CASP10: variants seen among roughly 807,000 people sequenced by gnomAD.
CASP10 encodes the protein caspase 10.
In CASP10, 41 loss-of-function variants were observed where a neutral mutation model predicts 48.5. The observed-to-expected ratio is 0.85, with a 90% CI of 0.66 to 1.10. The LOEUF (loss-of-function observed/expected upper bound fraction) is 1.10, where lower values mean the gene tolerates loss of function less well. Among genes scored for constraint, CASP10 ranks in the 50% least tolerant of loss-of-function variants. The pLI is 0.00. For missense variants in CASP10, 614 were observed against 614.5 expected (o/e 1.00, Z 0.01); for synonymous variants, 232 against 238.4 (o/e 0.97, Z 0.25).
chr2:201,187,134 C>T (rs1251147406), intron 2 of CASP10, among the ~76,000 whole-genome samples: 1 of 152,132 alleles, frequency 6.6e-6, no homozygotes, highest in African/African-American at 2.4e-5. Context: ...CCTGAGTTGC[C>T]CTTGAGTCAG....
intron 3 of CASP10, 116 bp downstream of exon 3, chr2:201,187,915 T>C: frequency 1.3e-6 from 1 of 781,570 alleles, no homozygotes; most frequent in Admixed American, 2.0e-5. Flanking sequence ...TATCATACAA[T>C]GGTTACGAAC....
intron 6 of CASP10, among the ~76,000 whole-genome samples, chr2:201,205,648 CTTAA>C (rs1334786978): frequency 6.6e-6 from 1 of 152,134 alleles, no homozygotes; most frequent in Non-Finnish European, 1.5e-5. Flanking sequence ...TCCATGGGAT[CTTAA>C]TTAATTCCCC....
At chr2:201,228,459 G>A (rs1207249385) in intron 9 of CASP10, among the ~76,000 whole-genome samples, 1 of 152,206 alleles carries the variant, frequency 6.6e-6, no homozygotes, top group African/African-American at 2.4e-5. Flanking sequence ...TGGCCACACT[G>A]CAAGGGCACA....
At chr2:201,184,975 G>A (rs1302277893) in intron 1 of CASP10, among the ~76,000 whole-genome samples, 1 of 151,944 alleles carries the variant, frequency 6.6e-6, no homozygotes, top group African/African-American at 2.4e-5. Context: ...TTCCTCCTGA[G>A]GTCTAGGATA....
chr2:201,206,336 G>A (rs1359399161), intron 7 of CASP10: 2 of 191,288 alleles, frequency 1.0e-5, no homozygotes, highest in African/African-American at 4.8e-5. Context: ...GATGATTTTA[G>A]CTGCCCAGAG....
Position 201,186,004 on chromosome 2 carries a change from C to T in CASP10, c.227C>T (p.Pro76Leu), listed in dbSNP as rs1413535292. Residue 76 changes from proline (P) to leucine (L), a missense_variant, in exon 2 of 10, where the codon CCT becomes CTT. Physicochemically the swap from Pro to Leu is moderately conservative, Grantham distance 98. Coordinates refer to ENST00000286186, the MANE Select transcript of CASP10 (RefSeq NM_032977.4). ...GAGGATCTGCTGAGTGAGGAAGACC[C>T]TTTCTTCCTGGCAGAACTCCTCTAT... is the stretch of plus-strand genomic sequence containing the variant. ...LAEDLLSEEDPFFLAELLYII... is the reference protein window; with the variant it reads ...LAEDLLSEEDLFFLAELLYII... 1 of 1,613,000 alleles carries T rather than the reference C, an allele frequency of 6.2e-7. No individual in the cohort carries two copies. Among genetic ancestry groups the T allele is most frequent in the Admixed American group, 1.7e-5 (1 of 59,992 alleles).
Position 201,217,656 on chromosome 2 carries a change from G to C in CASP10, c.1484G>C (p.Gly495Ala). 6.2e-7 allele frequency: 1 copy of C among 1,614,174 alleles called. No homozygotes were observed. Among genetic ancestry groups the C allele is most frequent in the Non-Finnish European group, 8.5e-7 (1 of 1,180,014 alleles). ...DDVSRRVDKQGTKKQMPQPAF... is the reference protein window; with the variant it reads ...DDVSRRVDKQATKKQMPQPAF... ...GTGAGTCGAAGAGTGGACAAACAGG[G>C]AACAAAGAAACAGATGCCCCAGCCT... Residue 495 changes from glycine (G) to alanine (A), a missense_variant, in exon 10 of 10, where the codon GGA becomes GCA. Gly to Ala is a moderately conservative substitution (Grantham distance 60). Coordinates refer to ENST00000286186, the MANE Select transcript of CASP10 (RefSeq NM_032977.4).
intron 3 of CASP10, among the ~76,000 whole-genome samples, chr2:201,189,374 T>A (rs1380555505): frequency 1.3e-5 from 2 of 151,830 alleles, no homozygotes; most frequent in African/African-American, 4.8e-5. Flanking sequence ...GTTCAGGTGA[T>A]TCTCCTGCCT....
intron 2 of CASP10, chr2:201,186,401 C>T (rs542535374): frequency 7.1e-5 from 31 of 437,358 alleles, no homozygotes; most frequent in African/African-American, 5.0e-4. Context: ...TGGCAGAGCC[C>T]GTGTTTTCCC....
rs1305101137 is a variant in CASP10 at position 201,220,894 on chromosome 2, GC to G, written c.*3156del. 2 of 985,450 alleles carry G rather than the reference GC, an allele frequency of 2.0e-6. No individual in the cohort carries two copies. The highest frequency in any genetic ancestry group is 3.5e-5 in the African/African-American group (2 of 57,364). 61.0% of individuals were successfully genotyped at this position (985,450 alleles called of 1,614,324 possible). A position where few individuals can be genotyped will look rare whatever the true frequency, so the allele number is the denominator to read the frequency against. ...AAGAGCAAAGGATCTGGAGATCAAA[GC>G]CCTGCATTTCCATTTTGTCCTGATT... On this transcript the variant is annotated 3_prime_UTR_variant, in exon 10 of 10. Coordinates refer to ENST00000286186, the MANE Select transcript of CASP10 (RefSeq NM_032977.4).
intron 2 of CASP10, 107 bp from the exon 3 acceptor site, chr2:201,187,599 A>G: frequency 2.4e-6 from 2 of 850,584 alleles, no homozygotes; most frequent in Non-Finnish European, 4.1e-6. Flanking sequence ...GTCTACACAT[A>G]GAGTTGATCA....
At chr2:201,228,799 T>C in intron 9 of CASP10, 1 of 734,576 alleles carries the variant, frequency 1.4e-6, no homozygotes. Flanking sequence ...ATGAGAAATA[T>C]GAGTCATTCT....
intron 9 of CASP10, chr2:201,212,789 A>G (rs1212584523): frequency 2.0e-5 from 3 of 152,248 alleles, no homozygotes; most frequent in Non-Finnish European, 4.4e-5. Context: ...TGAGAATTCT[A>G]TAATAGATCA....
intron 4 of CASP10, among the ~76,000 whole-genome samples, chr2:201,194,087 TTGTGTGTGTGTGTGTG>T (rs139975621): frequency 5.4e-5 from 8 of 148,364 alleles, no homozygotes; most frequent in South Asian, 2.2e-4. Context: ...CTTTATTTTC[TTGTGTGTGTGTGTGTG>T]TGTGTGTGTG....
downstream of CASP10, among the ~76,000 whole-genome samples, chr2:201,223,941 C>CA (rs1391610899): frequency 6.6e-6 from 1 of 151,758 alleles, no homozygotes; most frequent in Non-Finnish European, 1.5e-5. Context: ...GCTGGGGCTA[C>CA]AGGCAGGTGT....
At chr2:201,210,625 C>G (rs1945361765) in intron 9 of CASP10, among the ~76,000 whole-genome samples, 1 of 152,162 alleles carries the variant, frequency 6.6e-6, no homozygotes, top group Non-Finnish European at 1.5e-5. Context: ...TTGCTTTTCT[C>G]TCTTCTTTAC....
chr2:201,219,783 G>T lies in CASP10; in HGVS notation c.*2042G>T, dbSNP rs951152686. 5 of 976,944 alleles carry T rather than the reference G, an allele frequency of 5.1e-6. No homozygotes were observed. In the African/African-American group the frequency reaches 9.3e-5, roughly 18 times the overall value. 60.5% of individuals were successfully genotyped at this position (976,944 alleles called of 1,614,324 possible). A position where few individuals can be genotyped will look rare whatever the true frequency, so the allele number is the denominator to read the frequency against. On this transcript the variant is annotated 3_prime_UTR_variant, in exon 10 of 10. Transcript: ENST00000286186. Reference sequence around the variant, plus strand: ...TGGAACTGTATTTTGAATCCTTAAAGGTGAGCCCTCATAGGGAGATCCAAA... The same window carrying T: ...TGGAACTGTATTTTGAATCCTTAAATGTGAGCCCTCATAGGGAGATCCAAA...
chr2:201,195,130 C>T (rs1453817169), intron 4 of CASP10, among the ~76,000 whole-genome samples: 5 of 150,330 alleles, frequency 3.3e-5, no homozygotes, highest in Admixed American at 6.7e-5. Flanking sequence ...CTTGCTCTGT[C>T]GCCCAGGCTG....
chr2:201,206,074 C>A, intron 7 of CASP10, 101 bp downstream of exon 7: 2 of 700,562 alleles, frequency 2.9e-6, no homozygotes, highest in East Asian at 2.8e-5. Context: ...TAGGGTCCAG[C>A]CTTCGATGAT....
Sources: allele counts gnomAD v4.1 joint callset (sites outside exome capture counted in the v4.1 genomes callset), GRCh38; gene constraint gnomAD v4.1.1; transcripts MANE v1.5; gene names NCBI Gene and HGNC (gene_info 2026-07-23, HGNC 2026-07-21).